MPPED1: variants seen among roughly 807,000 people sequenced by gnomAD.
MPPED1 encodes the protein metallophosphoesterase domain-containing protein 1.
A neutral mutation model predicts 36.2 loss-of-function variants in MPPED1; 16 were observed. The ratio of observed to expected loss-of-function variants is 0.44; its 90% confidence interval spans 0.30 to 0.67. The LOEUF (loss-of-function observed/expected upper bound fraction) is 0.67. MPPED1 is among the 30% of genes least tolerant of loss of function. The pLI, the probability that MPPED1 is intolerant of heterozygous loss-of-function variation, is 0.10. For missense variants in MPPED1, 307 were observed against 453.4 expected (o/e 0.68, Z 2.93); for synonymous variants, 199 against 191.3 (o/e 1.04, Z -0.33).
At chr22:43,471,663 C>T (rs1486847356) in intron 3 of MPPED1, among the ~76,000 whole-genome samples, 1 of 152,246 alleles carries the variant, frequency 6.6e-6, no homozygotes, top group Non-Finnish European at 1.5e-5. Flanking sequence ...CAGCCCTCTT[C>T]CCTCCTCTCC....
chr22:43,450,414 A>G (rs752577716), intron 3 of MPPED1, among the ~76,000 whole-genome samples: 1 of 152,202 alleles, frequency 6.6e-6, no homozygotes, highest in East Asian at 1.9e-4. Flanking sequence ...TGAATAAGGC[A>G]TTGCAGCTGG....
intron 3 of MPPED1, among the ~76,000 whole-genome samples, chr22:43,440,428 G>A (rs1403058262): frequency 6.6e-6 from 1 of 152,106 alleles, no homozygotes; most frequent in Non-Finnish European, 1.5e-5. Flanking sequence ...AGGGCAGGAG[G>A]GGAGGCTGAA....
In MPPED1 at chr22:43,435,094, C is replaced by T; in HGVS notation, c.285C>T (p.Val95=). The change falls in exon 3 of 7, where the codon GTC becomes GTT. Residue 95 remains valine (V), a synonymous_variant. Coordinates refer to ENST00000443721, the MANE Select transcript of MPPED1 (RefSeq NM_001044370.2). ...KPPGYTRFVC[V]SDTHSRTDPI... ...CAGGCTACACCCGCTTCGTCTGCGT[C>T]TCTGATACCCACTCGAGGACGGACC... The T allele has an allele frequency of 6.2e-7, 1 of 1,613,954 alleles. No homozygotes were observed. The highest frequency in any genetic ancestry group is 8.5e-7 in the Non-Finnish European group (1 of 1,179,902).
intron 4 of MPPED1, among the ~76,000 whole-genome samples, chr22:43,489,856 C>T (rs954150909): frequency 1.3e-4 from 20 of 152,180 alleles, no homozygotes; most frequent in Admixed American, 1.2e-3. Flanking sequence ...TGGAACATCA[C>T]CTCTTCCCAT....
intron 4 of MPPED1, among the ~76,000 whole-genome samples, chr22:43,484,775 C>A (rs1177367110): frequency 6.6e-6 from 1 of 152,128 alleles, no homozygotes; most frequent in Non-Finnish European, 1.5e-5. Context: ...CCGCCTGAGC[C>A]TCTCAGGGAA....
chr22:43,425,012 C>T lies in MPPED1; in HGVS notation c.27C>T (p.Ser9=), dbSNP rs756344638. The T allele has an allele frequency of 7.5e-6, 12 of 1,606,070 alleles. No individual in the cohort carries two copies. Among genetic ancestry groups the T allele is most frequent in the South Asian group, 5.6e-5 (5 of 89,960 alleles). Residue 9 remains serine (S), a synonymous_variant, in exon 2 of 7, where the codon AGC becomes AGT. Coordinates refer to ENST00000443721, the MANE Select transcript of MPPED1 (RefSeq NM_001044370.2). MWRSRWDA[S]VLKAEALALL... ...TGTGGCGCTCTAGGTGGGATGCCAGCGTCCTGAAGGCGGAGGCCCTGGCCC... is the reference window on the plus strand; with the variant it reads ...TGTGGCGCTCTAGGTGGGATGCCAGTGTCCTGAAGGCGGAGGCCCTGGCCC...
intron 3 of MPPED1, among the ~76,000 whole-genome samples, chr22:43,447,883 A>ATATATATATATATATATATATATATTT (rs1321289636): frequency 1.0e-4 from 7 of 67,696 alleles, no homozygotes; most frequent in Non-Finnish European, 1.6e-4. Flanking sequence ...ATATATATAT[A>ATATATATATATATATATATATATATTT]TTTTTTTTTT....
At chr22:43,421,105 C>T (rs1312462700) in intron 1 of MPPED1, among the ~76,000 whole-genome samples, 1 of 152,238 alleles carries the variant, frequency 6.6e-6, no homozygotes, top group East Asian at 1.9e-4. Flanking sequence ...GGTCCCGGGG[C>T]ACCACTGCAT....
At chr22:43,441,984 A>G (rs1930163627) in intron 3 of MPPED1, among the ~76,000 whole-genome samples, 1 of 152,148 alleles carries the variant, frequency 6.6e-6, no homozygotes, top group Admixed American at 6.5e-5. Context: ...GGCTTCAGAA[A>G]GGAGCAGGTG....
At position 43,489,523 on chromosome 22, in the gene MPPED1, A is replaced by G. The variant is rs577657585; in HGVS notation, c.633-8712A>G. Among the ~76,000 whole-genome samples the G allele has an allele frequency of 1.8e-3, 265 of 143,880 alleles. 1 individual carries two copies. The highest frequency in any genetic ancestry group is 6.5e-3 in the African/African-American group (256 of 39,494). The allele number at this position is 143,880 out of a possible 152,430, so 94.4% of individuals were successfully genotyped here. On this transcript the variant is annotated intron_variant, in intron 4 of 6. Coordinates refer to ENST00000443721, the MANE Select transcript of MPPED1 (RefSeq NM_001044370.2). ...GACTTGACTCCTCCTGTCCCCTGAC[A>G]TTTTTTTTTTTTTGAGATGGAGTCT...
chr22:43,500,412 ATGGAGGTGGTAATGGAGGTGGTGG>A (rs1569092081), intron 5 of MPPED1, among the ~76,000 whole-genome samples: 2 of 86,752 alleles, frequency 2.3e-5, no homozygotes, highest in South Asian at 3.6e-4. Flanking sequence ...AGTGGTGGTG[ATGGAGGTGGTAATGGAGGTGGTGG>A]TGGAGGTGGT....
intron 4 of MPPED1, among the ~76,000 whole-genome samples, chr22:43,496,172 A>G (rs866199916): frequency 0.18 from 595 of 3,348 alleles, no homozygotes; most frequent in Non-Finnish European, 0.19. Context: ...GGAGGTGGTG[A>G]TGGTGGAGGT....
intron 3 of MPPED1, among the ~76,000 whole-genome samples, chr22:43,445,639 C>A (rs1282586340): frequency 6.8e-6 from 1 of 147,470 alleles, no homozygotes; most frequent in African/African-American, 2.5e-5. Flanking sequence ...TTGCTTACTG[C>A]AGCCTTGACC....
chr22:43,424,628 T>C (rs1318731128), intron 1 of MPPED1, among the ~76,000 whole-genome samples: 1 of 152,180 alleles, frequency 6.6e-6, no homozygotes, highest in African/African-American at 2.4e-5. Context: ...GTCTTAAGTA[T>C]TTAAACACGT....
chr22:43,484,069 G>C (rs1261076872), intron 4 of MPPED1, among the ~76,000 whole-genome samples: 1 of 152,272 alleles, frequency 6.6e-6, no homozygotes, highest in Non-Finnish European at 1.5e-5. Context: ...ATGTCGCCTG[G>C]TTGCAGGGGC....
intron 3 of MPPED1, among the ~76,000 whole-genome samples, chr22:43,467,192 C>G (rs362126): frequency 0.81 from 123,679 of 152,192 alleles, 51,694 homozygotes; most frequent in Non-Finnish European, 0.91. Context: ...AGGCTACGCC[C>G]CCTGCACCCC....
At chr22:43,453,661 T>G (rs1471034912) in intron 3 of MPPED1, among the ~76,000 whole-genome samples, 3 of 152,178 alleles carry the variant, frequency 2.0e-5, no homozygotes, top group Non-Finnish European at 4.4e-5. Flanking sequence ...ATGATTGGCT[T>G]CCAGGATTCT....
At chr22:43,456,252 T>G (rs1445857570) in intron 3 of MPPED1, among the ~76,000 whole-genome samples, 1 of 152,234 alleles carries the variant, frequency 6.6e-6, no homozygotes, top group African/African-American at 2.4e-5. Context: ...AGTCCTTCAC[T>G]ATTAAGTATG....
At chr22:43,470,106 T>C (rs1233054902) in intron 3 of MPPED1, among the ~76,000 whole-genome samples, 2 of 150,016 alleles carry the variant, frequency 1.3e-5, no homozygotes, top group Non-Finnish European at 3.0e-5. Context: ...CATCCATAAA[T>C]CATCCATCCA....
Sources: gnomAD v4.1 joint callset for allele counts (sites outside exome capture counted in the v4.1 genomes callset) on GRCh38, gnomAD v4.1.1 for gene constraint, MANE v1.5 for transcripts, NCBI Gene and HGNC (gene_info 2026-07-23, HGNC 2026-07-21) for gene names.